The following PPARA variants were observed in gnomAD, a reference collection of about 807,000 sequenced individuals.
The protein encoded by PPARA is peroxisome proliferator activated receptor alpha.
In PPARA, 22 loss-of-function variants were observed where a neutral mutation model predicts 42.2. The observed-to-expected ratio is 0.52, with a 90% CI of 0.37 to 0.74. The LOEUF is 0.74. PPARA is among the 30% of genes least tolerant of loss of function. The probability of loss-of-function intolerance (pLI) is 0.00; values close to 1 mark genes in which losing one functional copy is unlikely to be tolerated. For missense variants in PPARA, 465 were observed against 608.2 expected (o/e 0.76, Z 2.48); for synonymous variants, 242 against 239.3 (o/e 1.01, Z -0.10).
chr22:46,223,869 G>A (rs901882075), intron 7 of PPARA, among the ~76,000 whole-genome samples: 4 of 149,924 alleles, frequency 2.7e-5, no homozygotes, highest in African/African-American at 7.4e-5. Flanking sequence ...AGAATGGCGT[G>A]AACCTGGGAG....
Position 46,215,286 on chromosome 22 carries a change from A to G in PPARA, c.322A>G (p.Lys108Glu), listed in dbSNP as rs1934371484. 13 of 1,614,076 alleles carry G rather than the reference A, an allele frequency of 8.1e-6. No homozygotes were observed. Among genetic ancestry groups the G allele is most frequent in the Non-Finnish European group, 1.1e-5 (13 of 1,180,040 alleles). Residue 108 changes from lysine to glutamate, a missense_variant, in exon 5 of 9, where the codon AAG (lysine) becomes GAG (glutamate). By Grantham distance (56) the Lys-to-Glu change is moderately conservative (BLOSUM62 1). Transcript: ENST00000407236. ...LNIECRICGD[K>E]ASGYHYGVHA... ...CATCGAATGTAGAATCTGCGGGGAC[A>G]AGGCCTCAGGCTATCATTACGGAGT...
rs1017680226 is a variant in PPARA, at chr22:46,232,306, A to G, written c.1159+67A>G. The G allele has an allele frequency of 5.2e-6, 8 of 1,536,192 alleles. No individual in the cohort carries two copies. Among genetic ancestry groups the G allele is most frequent in the African/African-American group, 1.4e-5 (1 of 73,260 alleles). ...GGCTCCTGTCTTGAAAAATTTGACA[A>G]TGGGAAATCCAGTACCAGCCTGAGC... On this transcript the variant is annotated intron_variant, in intron 8 of 8. Coordinates refer to ENST00000407236, the MANE Select transcript of PPARA (RefSeq NM_005036.6). The surrounding 1 kb of genome is among the most constrained non-coding windows in gnomAD (Gnocchi z 5.3).
rs1932160585 is a variant in PPARA, at chr22:46,195,782, T to A, written c.-42-2560T>A. Among the ~76,000 whole-genome samples, 1 of 152,160 alleles carries A rather than the reference T, an allele frequency of 6.6e-6. No homozygotes were observed. The highest frequency in any genetic ancestry group is 6.5e-5 in the Admixed American group (1 of 15,270). On this transcript the variant is annotated intron_variant, in intron 3 of 8. Coordinates refer to ENST00000407236, the MANE Select transcript of PPARA (RefSeq NM_005036.6). This position sits in a 1 kb window ranked among gnomAD's most constrained non-coding sequence, Gnocchi z 4.6. ...CATGTGATGACGGCTGCCCTGACAG[T>A]GGCTGGTAGCAGCACATACCCCCGA... is the stretch of plus-strand genomic sequence containing the variant.
rs1931669678 is a variant in PPARA, at chr22:46,192,294, G to A, written c.-42-6048G>A. Among the ~76,000 whole-genome samples, 1 of 152,172 alleles carries A rather than the reference G, an allele frequency of 6.6e-6. No homozygotes were observed. Among genetic ancestry groups the A allele is most frequent in the Admixed American group, 6.5e-5 (1 of 15,278 alleles). On this transcript the variant is annotated intron_variant, in intron 3 of 8. Coordinates refer to ENST00000407236, the MANE Select transcript of PPARA (RefSeq NM_005036.6). This position sits in a 1 kb window ranked among gnomAD's most constrained non-coding sequence, Gnocchi z 4.3. The stretch of plus-strand genomic sequence containing the variant: ...CTATAGGTGAATGGGTTTCATGAAG[G>A]AAGAGCTTCTTCTCCCATTTATAAC...
At position 46,225,396 on chromosome 22, in the gene PPARA, CAG is replaced by C. The variant is rs573172392; in HGVS notation, c.711+5383_711+5384del. Reference sequence around the variant, plus strand: ...CTAAAAACATAAGATGTTGACCTGTCAGGGGTTGAGAATGTCGTCAGAAGACT... The same window carrying C: ...CTAAAAACATAAGATGTTGACCTGTCGGGTTGAGAATGTCGTCAGAAGACT... On this transcript the variant is annotated intron_variant, in intron 7 of 8. Transcript: ENST00000407236. The surrounding 1 kb of genome is among the most constrained non-coding windows in gnomAD (Gnocchi z 4.1). Among the ~76,000 whole-genome samples, 780 of 152,250 alleles carry C rather than the reference CAG, an allele frequency of 5.1e-3. 4 individuals carry two copies. The highest frequency in any genetic ancestry group is 9.3e-3 in the Non-Finnish European group (633 of 68,008).
intron 1 of PPARA, among the ~76,000 whole-genome samples, 173 bp from the exon 2 acceptor site, chr22:46,151,715 T>G (rs900374352): frequency 1.3e-5 from 2 of 152,196 alleles, no homozygotes; most frequent in East Asian, 3.9e-4. Context: ...GGGATAAGGG[T>G]GCCTTGGGGA....
rs1935067017 is a variant in PPARA, at chr22:46,222,255, C to T, written c.711+2241C>T. Among the ~76,000 whole-genome samples, 1 of 152,038 alleles carries T rather than the reference C, an allele frequency of 6.6e-6. No homozygotes were observed. Among genetic ancestry groups the T allele is most frequent in the Non-Finnish European group, 1.5e-5 (1 of 68,026 alleles). ...CAACAGTTAAATAAGTCTTTGTCTC[C>T]ATTACAAAACAAATCTCAGAGCTAC... On this transcript the variant is annotated intron_variant, in intron 7 of 8. Coordinates refer to ENST00000407236, the MANE Select transcript of PPARA (RefSeq NM_005036.6). The surrounding 1 kb of genome is among the most constrained non-coding windows in gnomAD (Gnocchi z 5.9).
chr22:46,198,007 G>A (rs918249977), intron 3 of PPARA, among the ~76,000 whole-genome samples: 1 of 151,622 alleles, frequency 6.6e-6, no homozygotes. Context: ...TGAGGCGAGC[G>A]GAATACGAGC....
intron 7 of PPARA, among the ~76,000 whole-genome samples, chr22:46,228,626 C>G (rs1935642036): frequency 6.6e-6 from 1 of 152,194 alleles, no homozygotes; most frequent in Non-Finnish European, 1.5e-5. Flanking sequence ...CTGGGAGATG[C>G]TCTACCAAAA....
At chr22:46,215,105 A>T in intron 4 of PPARA, 68 bp from the exon 5 acceptor site, 1 of 1,575,756 alleles carries the variant, frequency 6.3e-7, no homozygotes, top group South Asian at 1.1e-5. Context: ...TCACATCCTC[A>T]TAGACCCGGT....
rs1411331086 is a variant in PPARA, at chr22:46,185,958, T to C, written c.-43+9122T>C. Among the ~76,000 whole-genome samples the C allele has an allele frequency of 1.0e-2, 539 of 54,056 alleles. 53 individuals carry two copies. Among genetic ancestry groups the C allele is most frequent in the African/African-American group, 0.033 (476 of 14,272 alleles). 35.5% of individuals were successfully genotyped at this position (54,056 alleles called of 152,430 possible). Reference sequence around the variant, plus strand: ...ATATATATATATATATATATATATATATATATACACACACACTAACCTTCA... The same window carrying C: ...ATATATATATATATATATATATATACATATATACACACACACTAACCTTCA... On this transcript the variant is annotated intron_variant, in intron 3 of 8. Transcript: ENST00000407236.
At chr22:46,217,331 T>G (rs1934581886) in intron 5 of PPARA, among the ~76,000 whole-genome samples, 1 of 152,210 alleles carries the variant, frequency 6.6e-6, no homozygotes, top group Non-Finnish European at 1.5e-5. Context: ...AAAAATGAAC[T>G]CCTTCGCATG....
rs936839645 is a variant in PPARA, at chr22:46,222,188, C to T, written c.711+2174C>T. 6.6e-6 allele frequency among the ~76,000 whole-genome samples: 1 copy of T among 152,162 alleles called. No homozygotes were observed. The highest frequency in any genetic ancestry group is 1.5e-5 in the Non-Finnish European group (1 of 68,032). On this transcript the variant is annotated intron_variant, in intron 7 of 8. Transcript: ENST00000407236. This position sits in a 1 kb window ranked among gnomAD's most constrained non-coding sequence, Gnocchi z 5.9. The stretch of plus-strand genomic sequence containing the variant: ...AAATTGCCCCTCATGGTTCGTCCCC[C>T]ACATCCCCGCCTGCCTGGCCTAAGT...
intron 4 of PPARA, among the ~76,000 whole-genome samples, chr22:46,201,724 C>T (rs1932849401): frequency 6.6e-6 from 1 of 152,118 alleles, no homozygotes; most frequent in Non-Finnish European, 1.5e-5. Flanking sequence ...AGGCAGGTCC[C>T]AGGACATCCT....
rs1051790259 is a variant in PPARA, at chr22:46,233,172, A to G, written c.1159+933A>G. Among the ~76,000 whole-genome samples, 3 of 152,030 alleles carry G rather than the reference A, an allele frequency of 2.0e-5. No homozygotes were observed. Among genetic ancestry groups the G allele is most frequent in the Non-Finnish European group, 4.4e-5 (3 of 68,010 alleles). On this transcript the variant is annotated intron_variant, in intron 8 of 8. Coordinates refer to ENST00000407236, the MANE Select transcript of PPARA (RefSeq NM_005036.6). This position sits in a 1 kb window ranked among gnomAD's most constrained non-coding sequence, Gnocchi z 7.3. ...CAGATGTCAGTATAGTTGCTGTCAC[A>G]GTTGGTTATGTTGATGAAAAGTATA...
At chr22:46,164,514 A>T (rs61144142) in intron 2 of PPARA, 7 of 152,342 alleles carry the variant, frequency 4.6e-5, no homozygotes, top group African/African-American at 1.4e-4. Context: ...CGGCCTCCCA[A>T]AGTGCTGGGA....
rs1267986966 is a variant in PPARA at position 46,239,980 on chromosome 22, C to G, written c.*4600C>G. On this transcript the variant is annotated 3_prime_UTR_variant, in exon 9 of 9. Transcript: ENST00000407236. ...TGTCTTTGAAATGTCTCACTGAACT[C>G]CAGTTTTAAAATAGATTCATTGCTT... 1 of 394,622 alleles carries G rather than the reference C, an allele frequency of 2.5e-6. No homozygotes were observed. The highest frequency in any genetic ancestry group is 4.5e-6 in the Non-Finnish European group (1 of 224,326). 24.4% of individuals were successfully genotyped at this position (394,622 alleles called of 1,614,324 possible).
chr22:46,202,300 T>TA (rs1932878817), intron 4 of PPARA, among the ~76,000 whole-genome samples: 1 of 152,212 alleles, frequency 6.6e-6, no homozygotes, highest in Admixed American at 6.5e-5. Context: ...AACTATAATC[T>TA]AAAATGTATT....
intron 2 of PPARA, among the ~76,000 whole-genome samples, chr22:46,170,953 G>T (rs1278229695): frequency 1.3e-5 from 2 of 151,798 alleles, no homozygotes; most frequent in Non-Finnish European, 2.9e-5. Context: ...CTGAGGTCAG[G>T]AGTTCGAGAC....
Sources: gnomAD v4.1 joint callset for allele counts (sites outside exome capture counted in the v4.1 genomes callset) on GRCh38, gnomAD v4.1.1 for gene constraint, Gnocchi (gnomAD v3.1) non-coding constraint, MANE v1.5 for transcripts, NCBI Gene and HGNC (gene_info 2026-07-23, HGNC 2026-07-21) for gene names.